NMNAT2: variants seen among roughly 807,000 people sequenced by gnomAD.
The protein encoded by NMNAT2 is nicotinamide/nicotinic acid mononucleotide adenylyltransferase 2.
A neutral mutation model predicts 41.6 loss-of-function variants in NMNAT2; 11 were observed. The observed-to-expected ratio is 0.26, with a 90% CI of 0.17 to 0.44. NMNAT2 has a LOEUF of 0.44. Ranked by LOEUF, NMNAT2 falls within the 20% of genes least tolerant of loss-of-function variation. The pLI, the probability that NMNAT2 is intolerant of heterozygous loss-of-function variation, is 1.00. For missense variants in NMNAT2, 288 were observed against 407.7 expected, an observed-to-expected ratio of 0.71 and a Z score of 2.53; for synonymous variants, 148 against 151.2, an observed-to-expected ratio of 0.98 and a Z score of 0.16.
chr1:183,264,052 CAAGCTGGT>C (rs1180731183), intron 8 of NMNAT2, among the ~76,000 whole-genome samples: 1 of 152,078 alleles, frequency 6.6e-6, no homozygotes, highest in Non-Finnish European at 1.5e-5. Flanking sequence ...AGAATCTATC[CAAGCTGGT>C]ATCCATGGGG....
chr1:183,368,858 C>T (rs141609535), intron 1 of NMNAT2, among the ~76,000 whole-genome samples: 23 of 152,352 alleles, frequency 1.5e-4, no homozygotes, highest in African/African-American at 4.8e-4. Context: ...GAGCCGGCAA[C>T]TCATGAAGTG....
chr1:183,345,234 CT>C (rs1662902915), intron 1 of NMNAT2, among the ~76,000 whole-genome samples: 1 of 152,082 alleles, frequency 6.6e-6, no homozygotes, highest in African/African-American at 2.4e-5. Flanking sequence ...CCACTACCTT[CT>C]CCCCCACTGT....
chr1:183,367,052 G>A (rs191416849), intron 1 of NMNAT2, among the ~76,000 whole-genome samples: 19 of 152,198 alleles, frequency 1.2e-4, no homozygotes, highest in African/African-American at 4.3e-4. Context: ...GAAAATCTCC[G>A]TCCCTGACTT....
At chr1:183,313,777 C>T (rs770890277) in intron 1 of NMNAT2, among the ~76,000 whole-genome samples, 11 of 152,352 alleles carry the variant, frequency 7.2e-5, no homozygotes, top group African/African-American at 2.2e-4. Context: ...TGAGCCGCTG[C>T]GCCCAGCCAA....
intron 1 of NMNAT2, among the ~76,000 whole-genome samples, chr1:183,369,335 G>A (rs1663482348): frequency 6.6e-6 from 1 of 150,526 alleles, no homozygotes; most frequent in South Asian, 2.1e-4. Context: ...GGAGTGCAGT[G>A]GCGTGATCTC....
chr1:183,294,162 T>C (rs1298088316), intron 1 of NMNAT2, among the ~76,000 whole-genome samples: 1 of 149,258 alleles, frequency 6.7e-6, no homozygotes, highest in Non-Finnish European at 1.5e-5. Context: ...AGGAGTAGTA[T>C]TTAAAAAATA....
At chr1:183,277,312 G>T (rs1480952016) in intron 8 of NMNAT2, among the ~76,000 whole-genome samples, 1 of 151,974 alleles carries the variant, frequency 6.6e-6, no homozygotes, top group Non-Finnish European at 1.5e-5. Context: ...GCAAAATTCT[G>T]TCTCTACTAA....
At chr1:183,336,205 TG>T (rs1286964113) in intron 1 of NMNAT2, among the ~76,000 whole-genome samples, 1 of 152,176 alleles carries the variant, frequency 6.6e-6, no homozygotes, top group Non-Finnish European at 1.5e-5. Context: ...TAGACTAGGA[TG>T]AAAGTCATTT....
intron 1 of NMNAT2, among the ~76,000 whole-genome samples, chr1:183,374,454 T>C (rs1663629443): frequency 6.6e-6 from 1 of 152,182 alleles, no homozygotes; most frequent in African/African-American, 2.4e-5. Context: ...GTCATAATCA[T>C]TCATTCCAGA....
At chr1:183,302,771 C>A (rs1465509545) in intron 1 of NMNAT2, among the ~76,000 whole-genome samples, 1 of 152,192 alleles carries the variant, frequency 6.6e-6, no homozygotes, top group Admixed American at 6.5e-5. Context: ...CCTCACCTGT[C>A]ATTCCCAGAA....
At chr1:183,262,673 G>A (rs755182068) in intron 8 of NMNAT2, among the ~76,000 whole-genome samples, 1 of 152,162 alleles carries the variant, frequency 6.6e-6, no homozygotes, top group African/African-American at 2.4e-5. Flanking sequence ...TTGGATAAAA[G>A]GATATAAACT....
intron 1 of NMNAT2, among the ~76,000 whole-genome samples, chr1:183,325,156 A>T (rs1242514172): frequency 6.6e-6 from 1 of 152,204 alleles, no homozygotes; most frequent in African/African-American, 2.4e-5. Context: ...GGGAAGGAGG[A>T]AGTGAATTTA....
At chr1:183,259,186 C>A (rs1229314649) in intron 10 of NMNAT2, among the ~76,000 whole-genome samples, 1 of 152,172 alleles carries the variant, frequency 6.6e-6, no homozygotes, top group African/African-American at 2.4e-5. Flanking sequence ...TATTCTGACT[C>A]AGTGGGACTG....
intron 1 of NMNAT2, among the ~76,000 whole-genome samples, chr1:183,334,874 G>A (rs1167408873): frequency 6.6e-6 from 1 of 152,168 alleles, no homozygotes; most frequent in South Asian, 2.1e-4. Flanking sequence ...GGGGTTGGGA[G>A]ACTCCACGGT....
At chr1:183,394,863 C>T (rs1648588575) in intron 1 of NMNAT2, among the ~76,000 whole-genome samples, 1 of 152,206 alleles carries the variant, frequency 6.6e-6, no homozygotes, top group Non-Finnish European at 1.5e-5. Context: ...GAGGAGCAAA[C>T]TGTCCTTGGC....
chr1:183,296,257 A>T (rs1661694507), intron 1 of NMNAT2, among the ~76,000 whole-genome samples: 1 of 152,190 alleles, frequency 6.6e-6, no homozygotes. Flanking sequence ...GTTTTTAGTG[A>T]TTATAAATAA....
At chr1:183,370,434 G>A (rs1663510508) in intron 1 of NMNAT2, among the ~76,000 whole-genome samples, 2 of 152,220 alleles carry the variant, frequency 1.3e-5, no homozygotes, top group South Asian at 2.1e-4. Flanking sequence ...TGAGAATAAG[G>A]GTTAAATGAA....
Position 183,293,661 on chromosome 1 carries a change from G to A in NMNAT2, c.174+44C>T, listed in dbSNP as rs199734593. 7.9e-6 allele frequency: 11 copies of A among 1,394,606 alleles called. No homozygotes were observed. The East Asian group carries it at 2.5e-4, about 32-fold the overall frequency. 86.4% of individuals were successfully genotyped at this position (1,394,606 alleles called of 1,614,324 possible). ...CCAGGAACTATCAGGCCAGGGATGGGGGGACGGGGATTGAAGAGGAGAGGG... is the reference window on the plus strand; with the variant it reads ...CCAGGAACTATCAGGCCAGGGATGGAGGGACGGGGATTGAAGAGGAGAGGG... On this transcript the variant is annotated intron_variant, in intron 2 of 10. Transcript: ENST00000287713.
chr1:183,358,038 G>C (rs982773750), intron 1 of NMNAT2, among the ~76,000 whole-genome samples: 1 of 152,294 alleles, frequency 6.6e-6, no homozygotes, highest in Admixed American at 6.5e-5. Flanking sequence ...ATCAATGATA[G>C]ATTGGATTAA....
Sources: gnomAD v4.1 joint callset for allele counts (sites outside exome capture counted in the v4.1 genomes callset) on GRCh38, gnomAD v4.1.1 for gene constraint, MANE v1.5 for transcripts, NCBI Gene and HGNC (gene_info 2026-07-23, HGNC 2026-07-21) for gene names.